The following PTDSS2 variants were observed in gnomAD, a reference collection of about 807,000 sequenced individuals.
PTDSS2 encodes phosphatidylserine synthase 2.
PTDSS2 carries 41 observed loss-of-function variants against 64.7 expected under a neutral mutation model. The ratio of observed to expected loss-of-function variants is 0.63; its 90% CI spans 0.49 to 0.82. PTDSS2 has a LOEUF of 0.82. Ranked by LOEUF, PTDSS2 falls within the 40% of genes least tolerant of loss-of-function variation. The pLI, the probability that PTDSS2 is intolerant of heterozygous loss-of-function variation, is 0.00. For missense variants in PTDSS2, 485 were observed against 650.0 expected (o/e 0.75, Z 2.76); for synonymous variants, 297 against 277.8 (o/e 1.07, Z -0.69).
Position 479,344 on chromosome 11 carries a change from C to A in PTDSS2, c.435+192C>A. ...GCGGCCCTTGAGTGATGGGGGGCAG[C>A]AAAGCTAGACCTTCAAAACGTAGGC... On this transcript the variant is annotated intron_variant, in intron 4 of 11. Transcript: ENST00000308020. This position sits in a 1 kb window ranked among gnomAD's most constrained non-coding sequence, Gnocchi z 4.2. 1.6e-6 allele frequency: 1 copy of A among 635,262 alleles called. No individual in the cohort carries two copies. Among genetic ancestry groups the A allele is most frequent in the East Asian group, 2.7e-5 (1 of 37,552 alleles). The allele number at this position is 635,262 out of a possible 1,614,324, so 39.4% of individuals were successfully genotyped here.
Position 490,637 on chromosome 11 carries a change from T to A in PTDSS2, c.*55T>A. 1.3e-6 allele frequency: 2 copies of A among 1,505,638 alleles called. No homozygotes were observed. The highest frequency in any genetic ancestry group is 1.8e-6 in the Non-Finnish European group (2 of 1,119,216). 93.3% of individuals were successfully genotyped at this position (1,505,638 alleles called of 1,614,324 possible). A position where few individuals can be genotyped will look rare whatever the true frequency, so the allele number is the denominator to read the frequency against. ...CAGAGCCCAGGCCTCCGTGGCCTCC[T>A]CCTGTGTGAGTCCCACCAGGAGCCA... On this transcript the variant is annotated 3_prime_UTR_variant, in exon 12 of 12. Coordinates refer to ENST00000308020, the MANE Select transcript of PTDSS2 (RefSeq NM_030783.3).
Position 470,430 on chromosome 11 carries a change from G to A in PTDSS2, c.285-3465G>A, listed in dbSNP as rs1436076349. ...GAGTCTGAGAAACCGTCCCAGCCTC[G>A]GGGAGCCTGAAGAGACAGAACGAGT... On this transcript the variant is annotated intron_variant, in intron 2 of 11. Coordinates refer to ENST00000308020, the MANE Select transcript of PTDSS2 (RefSeq NM_030783.3). This position sits in a 1 kb window ranked among gnomAD's most constrained non-coding sequence, Gnocchi z 5.3. Among the ~76,000 whole-genome samples the A allele has an allele frequency of 1.3e-5, 2 of 152,124 alleles. No individual in the cohort carries two copies. The highest frequency in any genetic ancestry group is 1.9e-4 in the East Asian group (1 of 5,198).
chr11:474,066 C>A, intron 3 of PTDSS2, 89 bp downstream of exon 3: 1 of 1,074,260 alleles, frequency 9.3e-7, no homozygotes, highest in Non-Finnish European at 1.4e-6. Flanking sequence ...TGTGAGTGTC[C>A]TGTCCTCCCC....
chr11:449,186 G>A (rs1380353055), upstream of PTDSS2, among the ~76,000 whole-genome samples: 1 of 150,956 alleles, frequency 6.6e-6, no homozygotes, highest in Non-Finnish European at 1.5e-5. Context: ...TCCCACCTCA[G>A]CCTCCCGAGT....
In PTDSS2 at chr11:490,644, T is replaced by C. The variant is rs1054603564; in HGVS notation, c.*62T>C. On this transcript the variant is annotated 3_prime_UTR_variant, in exon 12 of 12. Transcript: ENST00000308020. The stretch of plus-strand genomic sequence containing the variant: ...CAGGCCTCCGTGGCCTCCTCCTGTG[T>C]GAGTCCCACCAGGAGCCACGTGCCC... The C allele has an allele frequency of 1.4e-6, 2 of 1,481,470 alleles. No individual in the cohort carries two copies. The highest frequency in any genetic ancestry group is 1.8e-6 in the Non-Finnish European group (2 of 1,101,510). The allele number at this position is 1,481,470 out of a possible 1,614,324, so 91.8% of individuals were successfully genotyped here.
At chr11:452,578 A>G (rs1320033820) in intron 1 of PTDSS2, among the ~76,000 whole-genome samples, 3 of 152,132 alleles carry the variant, frequency 2.0e-5, no homozygotes, top group Non-Finnish European at 4.4e-5. Context: ...GAGCGGGTGC[A>G]GCGGGGCTGG....
At chr11:474,104 G>A (rs1253613429) in intron 3 of PTDSS2, 127 bp downstream of exon 3, 17 of 797,214 alleles carry the variant, frequency 2.1e-5, no homozygotes, top group Non-Finnish European at 3.8e-5. Flanking sequence ...CGAGGCCTCC[G>A]AGGCCACTTC....
chr11:450,107 A>T (rs1846246188), upstream of PTDSS2, among the ~76,000 whole-genome samples: 1 of 152,108 alleles, frequency 6.6e-6, no homozygotes, highest in Non-Finnish European at 1.5e-5. Flanking sequence ...CAAGCTCTGG[A>T]GGCCTTGGCG....
chr11:489,830 G>T (rs1041272658), intron 10 of PTDSS2, 53 bp from the exon 11 acceptor site: 2 of 1,545,642 alleles, frequency 1.3e-6, no homozygotes, highest in South Asian at 1.2e-5. Context: ...GGGCAAGTCC[G>T]CCTGGAGGAC....
At chr11:451,355 G>A in intron 1 of PTDSS2, 1 of 444,232 alleles carries the variant, frequency 2.3e-6, no homozygotes, top group South Asian at 1.6e-5. Flanking sequence ...TGTCCAGACA[G>A]GCTCCAGGTG....
upstream of PTDSS2, among the ~76,000 whole-genome samples, chr11:449,661 C>G (rs932592785): frequency 2.6e-5 from 4 of 152,194 alleles, no homozygotes; most frequent in African/African-American, 4.8e-5. Context: ...AAGAATGACC[C>G]AGACCGGTCC....
At chr11:466,796 C>G (rs888653536) in intron 2 of PTDSS2, among the ~76,000 whole-genome samples, 1 of 152,190 alleles carries the variant, frequency 6.6e-6, no homozygotes, top group African/African-American at 2.4e-5. Flanking sequence ...ATAACCCAGT[C>G]ACTTCCCTCC....
rs943049276 is a variant in PTDSS2, at chr11:490,849, G to A, written c.*267G>A. On this transcript the variant is annotated 3_prime_UTR_variant, in exon 12 of 12. Transcript: ENST00000308020. ...ATGCGTGGCCGCCTGTGGTGTGCACGTGTGCTCTGGGCTCCGAGGCTTCTC... is the reference window on the plus strand; with the variant it reads ...ATGCGTGGCCGCCTGTGGTGTGCACATGTGCTCTGGGCTCCGAGGCTTCTC... 97 of 465,054 alleles carry A rather than the reference G, an allele frequency of 2.1e-4. No individual in the cohort carries two copies. The East Asian group carries it at 2.9e-3, about 14-fold the overall frequency. The allele number at this position is 465,054 out of a possible 1,614,324, so 28.8% of individuals were successfully genotyped here. A position where few individuals can be genotyped will look rare whatever the true frequency, so the allele number is the denominator to read the frequency against.
intron 2 of PTDSS2, among the ~76,000 whole-genome samples, chr11:467,334 G>T (rs552067881): frequency 6.6e-6 from 1 of 152,256 alleles, no homozygotes; most frequent in African/African-American, 2.4e-5. Context: ...CATACCCGAC[G>T]GAGCAGCTAA....
At chr11:457,539 G>T (rs561784175) in intron 1 of PTDSS2, among the ~76,000 whole-genome samples, 4 of 152,206 alleles carry the variant, frequency 2.6e-5, no homozygotes, top group Non-Finnish European at 5.9e-5. Context: ...CCCAAGGGGC[G>T]TGTCTTTGAG....
intron 2 of PTDSS2, among the ~76,000 whole-genome samples, chr11:467,666 G>A (rs1847201907): frequency 6.6e-6 from 1 of 152,012 alleles, no homozygotes; most frequent in Non-Finnish European, 1.5e-5. Context: ...CCAGGAGGCG[G>A]AGGTTGCAGT....
In PTDSS2 at chr11:479,186, CT is replaced by C; in HGVS notation, c.435+36del. 1 of 1,557,712 alleles carries C rather than the reference CT, an allele frequency of 6.4e-7. No homozygotes were observed. Among genetic ancestry groups the C allele is most frequent in the Non-Finnish European group, 8.9e-7 (1 of 1,128,462 alleles). Reference sequence around the variant, plus strand: ...TTTTTCTGGGTTGGATACCTGGGAACTTAGGTGACAGTGTGGCCCCAGGCAT... The same window carrying C: ...TTTTTCTGGGTTGGATACCTGGGAACTAGGTGACAGTGTGGCCCCAGGCAT... On this transcript the variant is annotated intron_variant, in intron 4 of 11. Coordinates refer to ENST00000308020, the MANE Select transcript of PTDSS2 (RefSeq NM_030783.3). This position sits in a 1 kb window ranked among gnomAD's most constrained non-coding sequence, Gnocchi z 4.2.
Position 489,985 on chromosome 11 carries a change from G to C in PTDSS2, c.1218G>C (p.Leu406=), listed in dbSNP as rs149606604. The change falls in exon 11 of 12, where the codon CTG becomes CTC. Residue 406 remains leucine (L), a synonymous_variant. Transcript: ENST00000308020. ...VVKYDPHTLT[L]SLPFYISQCW... ...AGTACGACCCCCACACGCTCACCCTGTCCCTGCCCTTCTACATCTCCCAGT... is the reference window on the plus strand; with the variant it reads ...AGTACGACCCCCACACGCTCACCCTCTCCCTGCCCTTCTACATCTCCCAGT... 5 of 1,612,206 alleles carry C rather than the reference G, an allele frequency of 3.1e-6. No homozygotes were observed. Among genetic ancestry groups the C allele is most frequent in the Non-Finnish European group, 3.4e-6 (4 of 1,179,984 alleles).
At position 460,146 on chromosome 11, in the gene PTDSS2, C is replaced by T. The variant is rs1044293302; in HGVS notation, c.183-41C>T. On this transcript the variant is annotated intron_variant, in intron 1 of 11. Coordinates refer to ENST00000308020, the MANE Select transcript of PTDSS2 (RefSeq NM_030783.3). The surrounding 1 kb of genome is among the most constrained non-coding windows in gnomAD (Gnocchi z 5.8). ...GTTACGTGAGTATTTAGCAATGCTGCCCAAGCTCTGACACCATGCTTATGC... is the reference window on the plus strand; with the variant it reads ...GTTACGTGAGTATTTAGCAATGCTGTCCAAGCTCTGACACCATGCTTATGC... 1 of 1,534,904 alleles carries T rather than the reference C, an allele frequency of 6.5e-7. No individual in the cohort carries two copies.
Sources: allele counts gnomAD v4.1 joint callset (sites outside exome capture counted in the v4.1 genomes callset), GRCh38; gene constraint gnomAD v4.1.1; non-coding constraint Gnocchi (gnomAD v3.1); transcripts MANE v1.5; gene names NCBI Gene and HGNC (gene_info 2026-07-23, HGNC 2026-07-21).